The following SNX7 variants were observed in gnomAD, a reference collection of about 807,000 sequenced individuals.
SNX7 encodes the protein sorting nexin 7.
SNX7 carries 35 observed loss-of-function variants against 48.4 expected under a neutral mutation model. That is an observed-to-expected ratio of 0.72 (90% confidence interval 0.55 to 0.96). SNX7 has a LOEUF of 0.96. Among genes scored for constraint, SNX7 ranks in the 40% least tolerant of loss-of-function variants. The pLI, the probability that SNX7 is intolerant of heterozygous loss-of-function variation, is 0.00. For synonymous variants in SNX7, 190 were observed against 190.2 expected, an observed-to-expected ratio of 1.00 and a Z score of 0.01; for missense variants, 553 against 548.9, an observed-to-expected ratio of 1.01 and a Z score of -0.07.
chr1:98,695,510 G>T lies in SNX7; in HGVS notation c.640-8G>T. On this transcript the variant is annotated splice_region_variant and splice_polypyrimidine_tract_variant and intron_variant, in intron 4 of 8. Transcript: ENST00000306121. ...TTTCACTAGAAATACTTGGTTTTTTGTTTCTAGGAACTCTCTTCTCACAAG... is the reference window on the plus strand; with the variant it reads ...TTTCACTAGAAATACTTGGTTTTTTTTTTCTAGGAACTCTCTTCTCACAAG... 1.2e-6 allele frequency: 2 copies of T among 1,605,624 alleles called. No homozygotes were observed. The highest frequency in any genetic ancestry group is 1.7e-5 in the Admixed American group (1 of 57,928).
chr1:98,685,386 A>G (rs1164333336), intron 2 of SNX7, among the ~76,000 whole-genome samples: 1 of 152,184 alleles, frequency 6.6e-6, no homozygotes, highest in Non-Finnish European at 1.5e-5. Context: ...CAAGTTGTTA[A>G]TAAAAAAAGA....
intron 8 of SNX7, among the ~76,000 whole-genome samples, chr1:98,748,969 ATGTGCTTATC>A (rs1239067056): frequency 6.6e-6 from 1 of 152,138 alleles, no homozygotes; most frequent in African/African-American, 2.4e-5. Flanking sequence ...CCAGAGGTAA[ATGTGCTTATC>A]TGTACAGTTG....
At chr1:98,734,983 G>T (rs1653701899) in intron 7 of SNX7, among the ~76,000 whole-genome samples, 2 of 152,088 alleles carry the variant, frequency 1.3e-5, no homozygotes, top group South Asian at 2.1e-4. Flanking sequence ...ATGCTATTTT[G>T]CAGTATATGG....
At chr1:98,662,886 T>C in intron 1 of SNX7, 1 of 1,255,820 alleles carries the variant, frequency 8.0e-7, no homozygotes, top group Non-Finnish European at 1.0e-6. Context: ...GAAGTGACCA[T>C]GCATACTCTG....
At chr1:98,736,460 A>G (rs1440297326) in intron 7 of SNX7, among the ~76,000 whole-genome samples, 2 of 152,114 alleles carry the variant, frequency 1.3e-5, no homozygotes, top group African/African-American at 4.8e-5. Context: ...GTGGGTGCCT[A>G]TTTCCAAACA....
intron 1 of SNX7, among the ~76,000 whole-genome samples, chr1:98,679,085 C>T (rs1037295335): frequency 6.6e-6 from 1 of 152,092 alleles, no homozygotes; most frequent in African/African-American, 2.4e-5. Flanking sequence ...CAAGACTGGG[C>T]AATTTATATA....
intron 8 of SNX7, among the ~76,000 whole-genome samples, chr1:98,755,413 T>G (rs1419349793): frequency 1.3e-5 from 2 of 152,064 alleles, no homozygotes; most frequent in African/African-American, 4.8e-5. Context: ...ATTGTAGATT[T>G]GTCTTTCTCC....
chr1:98,742,263 G>A (rs1007904670), intron 8 of SNX7, among the ~76,000 whole-genome samples: 21 of 152,042 alleles, frequency 1.4e-4, no homozygotes, highest in South Asian at 2.1e-4. Flanking sequence ...GCTAGTAAAG[G>A]GAGCTATGTT....
intron 8 of SNX7, among the ~76,000 whole-genome samples, chr1:98,739,193 C>CA (rs1262287303): frequency 6.6e-6 from 1 of 152,034 alleles, no homozygotes; most frequent in Non-Finnish European, 1.5e-5. Flanking sequence ...ATAGCGTTCA[C>CA]ACTCTTGTGA....
intron 1 of SNX7, among the ~76,000 whole-genome samples, chr1:98,665,011 C>T (rs762347517): frequency 5.3e-5 from 8 of 152,086 alleles, no homozygotes; most frequent in Non-Finnish European, 1.2e-4. Flanking sequence ...AGGAAAAAAT[C>T]CTCCTCTTTG....
At chr1:98,708,002 T>A (rs1264214519) in intron 7 of SNX7, among the ~76,000 whole-genome samples, 1 of 152,218 alleles carries the variant, frequency 6.6e-6, no homozygotes, top group African/African-American at 2.4e-5. Flanking sequence ...CTAGGAAGCT[T>A]TAAAGAAATA....
chr1:98,711,616 A>T (rs1352998977), intron 7 of SNX7, among the ~76,000 whole-genome samples: 2 of 152,232 alleles, frequency 1.3e-5, no homozygotes, highest in African/African-American at 4.8e-5. Context: ...AATGCTAATG[A>T]TCATATGAGC....
chr1:98,700,490 T>C (rs1449563842), intron 6 of SNX7, among the ~76,000 whole-genome samples: 1 of 152,076 alleles, frequency 6.6e-6, no homozygotes, highest in Non-Finnish European at 1.5e-5. Context: ...ATTTGAGATA[T>C]CAGTTGAATT....
chr1:98,676,795 G>A (rs1330040899), intron 1 of SNX7, among the ~76,000 whole-genome samples: 1 of 152,184 alleles, frequency 6.6e-6, no homozygotes, highest in Non-Finnish European at 1.5e-5. Context: ...TTGGATCTGA[G>A]ATATTTTGGA....
intron 7 of SNX7, among the ~76,000 whole-genome samples, chr1:98,735,982 A>G (rs1018644840): frequency 6.6e-6 from 1 of 152,200 alleles, no homozygotes; most frequent in African/African-American, 2.4e-5. Flanking sequence ...CTCTAGGAAC[A>G]CAGTACCTGT....
chr1:98,686,392 T>C (rs1223879658), intron 2 of SNX7, among the ~76,000 whole-genome samples: 2 of 152,126 alleles, frequency 1.3e-5, no homozygotes, highest in Non-Finnish European at 2.9e-5. Context: ...AAGTAATCAA[T>C]GCACACCCCA....
chr1:98,752,795 A>C (rs113432947), intron 8 of SNX7, among the ~76,000 whole-genome samples: 1 of 152,198 alleles, frequency 6.6e-6, no homozygotes, highest in African/African-American at 2.4e-5. Context: ...TCCAAGATAT[A>C]TAAAGGGAAT....
intron 5 of SNX7, among the ~76,000 whole-genome samples, chr1:98,696,071 T>A (rs1651439613): frequency 1.3e-5 from 2 of 152,198 alleles, no homozygotes; most frequent in African/African-American, 2.4e-5. Context: ...TTCTGGTAAT[T>A]ATTTTTTTCT....
chr1:98,703,712 T>TC (rs1651869763), intron 7 of SNX7, among the ~76,000 whole-genome samples: 1 of 152,056 alleles, frequency 6.6e-6, no homozygotes, highest in East Asian at 1.9e-4. Context: ...TACATATAGT[T>TC]CTTAACTATA....
Sources: allele counts gnomAD v4.1 joint callset (sites outside exome capture counted in the v4.1 genomes callset), GRCh38; gene constraint gnomAD v4.1.1; transcripts MANE v1.5; gene names NCBI Gene and HGNC (gene_info 2026-07-23, HGNC 2026-07-21).